Variants in CFTR observed in about 807,000 individuals in gnomAD.
CFTR encodes CF transmembrane conductance regulator.
Under a neutral mutation model 171.6 loss-of-function variants are expected in CFTR, and 181 were observed. The observed-to-expected ratio is 1.05, with a 90% confidence interval of 0.93 to 1.19. CFTR has a LOEUF of 1.19. Among genes scored for constraint, CFTR ranks in the 50% most tolerant of loss-of-function variants. CFTR has a pLI of 0.00. For missense variants in CFTR, 1,968 were observed against 1,734.7 expected (o/e 1.13, Z -2.39); for synonymous variants, 583 against 608.0 (o/e 0.96, Z 0.60).
In CFTR at chr7:117,501,780, A is replaced by C. The variant is rs867804943; in HGVS notation, c.54-2473A>C. On this transcript the variant is annotated intron_variant, in intron 1 of 26. Coordinates refer to ENST00000003084, the MANE Select transcript of CFTR (RefSeq NM_000492.4). ...AAAAAAAAAAAAAAAAAGAAACAAAAAAAAAAAAAAAACAAAAAGCAAACA... is the reference window on the plus strand; with the variant it reads ...AAAAAAAAAAAAAAAAAGAAACAAACAAAAAAAAAAAACAAAAAGCAAACA... Among the ~76,000 whole-genome samples the C allele has an allele frequency of 5.4e-3, 798 of 147,656 alleles. 6 individuals carry two copies. The highest frequency in any genetic ancestry group is 0.019 in the East Asian group (93 of 4,972).
chr7:117,630,273 A>G (rs1368354129), intron 22 of CFTR, among the ~76,000 whole-genome samples: 2 of 152,200 alleles, frequency 1.3e-5, no homozygotes, highest in Non-Finnish European at 2.9e-5. Flanking sequence ...AATAAGAGAT[A>G]TCCAGGTAAA....
chr7:117,573,057 TTG>T lies in CFTR; in HGVS notation c.1584+13403_1584+13404del, dbSNP rs377103894. ...CCCTTTCTCTCTCTCTCTCTCTCTC[TTG>T]CTCTCTCTCTCTCTTTCTGTCAATA... is the stretch of plus-strand genomic sequence containing the variant. On this transcript the variant is annotated intron_variant, in intron 11 of 26. Coordinates refer to ENST00000003084, the MANE Select transcript of CFTR (RefSeq NM_000492.4). Among the ~76,000 whole-genome samples, 800 of 103,454 alleles carry T rather than the reference TTG, an allele frequency of 7.7e-3. 6 individuals carry two copies. Among genetic ancestry groups the T allele is most frequent in the African/African-American group, 0.023 (746 of 32,350 alleles). The allele number at this position is 103,454 out of a possible 152,430, so 67.9% of individuals were successfully genotyped here.
Position 117,610,670 on chromosome 7 carries a change from G to T in CFTR, c.3139+1G>T, listed in dbSNP as rs397508503. 1.2e-6 allele frequency: 2 copies of T among 1,613,092 alleles called. No individual in the cohort carries two copies. Among genetic ancestry groups the T allele is most frequent in the South Asian group, 1.1e-5 (1 of 91,064 alleles). The stretch of plus-strand genomic sequence containing the variant: ...CAACTCAAACAACTGGAATCTGAAG[G>T]TATGACAGTGAATGTGCGATACTCA... On this transcript the variant is annotated splice_donor_variant, in intron 19 of 26. Transcript: ENST00000003084. LOFTEE classifies it high-confidence loss of function.
intron 12 of CFTR, among the ~76,000 whole-genome samples, 157 bp downstream of exon 12, chr7:117,587,990 A>T (rs1791971517): frequency 6.6e-6 from 1 of 152,158 alleles, no homozygotes; most frequent in Non-Finnish European, 1.5e-5. Flanking sequence ...TTTAAGAACT[A>T]TAAATAATGG....
Position 117,641,045 on chromosome 7 carries a change from A to G in CFTR, c.3718-1393A>G, listed in dbSNP as rs1180375753. ...AAAAGTACTGATTGTGATTAATAATATGAAGAAATTCAACAGAGTATTGTA... is the reference window on the plus strand; with the variant it reads ...AAAAGTACTGATTGTGATTAATAATGTGAAGAAATTCAACAGAGTATTGTA... On this transcript the variant is annotated intron_variant, in intron 22 of 26. Transcript: ENST00000003084. 2.0e-5 allele frequency among the ~76,000 whole-genome samples: 3 copies of G among 152,184 alleles called. No individual in the cohort carries two copies. The East Asian group carries it at 5.8e-4, about 29-fold the overall frequency.
At chr7:117,653,791 G>A (rs1398572173) in intron 24 of CFTR, among the ~76,000 whole-genome samples, 2 of 152,108 alleles carry the variant, frequency 1.3e-5, no homozygotes, top group African/African-American at 4.8e-5. Context: ...CTAAATATCA[G>A]CTAAATCAGC....
rs34013793 is a variant in CFTR at position 117,575,367 on chromosome 7, A to G, written c.1585-12372A>G. 6.7e-3 allele frequency among the ~76,000 whole-genome samples: 1,019 copies of G among 152,178 alleles called. 9 individuals carry two copies. Among genetic ancestry groups the G allele is most frequent in the African/African-American group, 0.023 (945 of 41,540 alleles). On this transcript the variant is annotated intron_variant, in intron 11 of 26. Coordinates refer to ENST00000003084, the MANE Select transcript of CFTR (RefSeq NM_000492.4). ...CCCAATTACTTGTAAGATGCTATAT[A>G]TTTTCATGTTTGTTAGTCATTCTGA...
chr7:117,583,892 T>C (rs901909227), intron 11 of CFTR, among the ~76,000 whole-genome samples: 4 of 152,316 alleles, frequency 2.6e-5, no homozygotes, highest in Non-Finnish European at 2.9e-5. Context: ...TGGTATCTCA[T>C]TGTGGTTTTA....
At chr7:117,651,116 A>G (rs1401907664) in intron 23 of CFTR, among the ~76,000 whole-genome samples, 1 of 152,212 alleles carries the variant, frequency 6.6e-6, no homozygotes, top group Non-Finnish European at 1.5e-5. Flanking sequence ...CTGTCCCAGG[A>G]CATGGTTCAT....
intron 21 of CFTR, among the ~76,000 whole-genome samples, chr7:117,620,709 T>A (rs1348454057): frequency 6.6e-6 from 1 of 152,228 alleles, no homozygotes; most frequent in African/African-American, 2.4e-5. Flanking sequence ...CTGGTCTTTG[T>A]GCCCATCATT....
chr7:117,486,612 A>G (rs1478107626), intron 1 of CFTR, among the ~76,000 whole-genome samples: 1 of 151,978 alleles, frequency 6.6e-6, no homozygotes, highest in Non-Finnish European at 1.5e-5. Context: ...TAAGCATGGC[A>G]CCTTCAAAAT....
intron 10 of CFTR, among the ~76,000 whole-genome samples, chr7:117,550,952 A>G (rs979316608): frequency 2.6e-5 from 4 of 152,310 alleles, no homozygotes; most frequent in Middle Eastern, 3.4e-3. Flanking sequence ...TGGACAAAAG[A>G]TCTAGCTAAA....
chr7:117,609,595 T>C (rs1792351525), intron 18 of CFTR, among the ~76,000 whole-genome samples: 1 of 152,148 alleles, frequency 6.6e-6, no homozygotes, highest in African/African-American at 2.4e-5. Flanking sequence ...TTTATTTCAA[T>C]GTTAAGCATG....
At chr7:117,648,434 G>T (rs955155709) in intron 23 of CFTR, among the ~76,000 whole-genome samples, 1 of 152,066 alleles carries the variant, frequency 6.6e-6, no homozygotes, top group Admixed American at 6.6e-5. Context: ...TAGCAAAAAG[G>T]TTTGTCACCG....
chr7:117,585,627 GTTTT>G (rs1791918652), intron 11 of CFTR, among the ~76,000 whole-genome samples: 1 of 151,874 alleles, frequency 6.6e-6, no homozygotes, highest in African/African-American at 2.4e-5. Flanking sequence ...AGATTTAAGT[GTTTT>G]TTGTTTGTTT....
Position 117,535,396 on chromosome 7 carries a change from T to C in CFTR, c.728T>C (p.Met243Thr), listed in dbSNP as rs751401915. The change falls in exon 6 of 27, where the codon ATG (methionine) becomes ACG (threonine). Residue 243 changes from methionine to threonine, a missense_variant. Met to Thr is a moderately conservative substitution (Grantham distance 81, BLOSUM62 -1). Coordinates refer to ENST00000003084, the MANE Select transcript of CFTR (RefSeq NM_000492.4). ...LALFQAGLGR[M>T]MMKYRDQRAG... The stretch of plus-strand genomic sequence containing the variant: ...CTTTTTCAGGCTGGGCTAGGGAGAA[T>C]GATGATGAAGTACAGGTAGCAACCT... 5.6e-6 allele frequency: 9 copies of C among 1,613,984 alleles called. No individual in the cohort carries two copies.
At chr7:117,518,252 T>A (rs566797183) in intron 3 of CFTR, among the ~76,000 whole-genome samples, 26 of 149,000 alleles carry the variant, frequency 1.7e-4, no homozygotes, top group South Asian at 1.0e-3. Flanking sequence ...AAAACCTATA[T>A]ATATATGTCA....
intron 11 of CFTR, among the ~76,000 whole-genome samples, chr7:117,572,293 C>T (rs760863198): frequency 6.6e-5 from 10 of 152,182 alleles, no homozygotes; most frequent in South Asian, 2.1e-4. Flanking sequence ...TAAGTCACCA[C>T]GCCTGGCCCC....
chr7:117,638,588 T>G (rs1304129096), intron 22 of CFTR, among the ~76,000 whole-genome samples: 2 of 151,834 alleles, frequency 1.3e-5, no homozygotes, highest in African/African-American at 4.8e-5. Flanking sequence ...ATACAAAAAT[T>G]AGCTGGGCAT....
Sources: gnomAD v4.1 joint callset for allele counts (sites outside exome capture counted in the v4.1 genomes callset) on GRCh38, gnomAD v4.1.1 for gene constraint, MANE v1.5 for transcripts, NCBI Gene and HGNC (gene_info 2026-07-23, HGNC 2026-07-21) for gene names.